CFAP263: variants seen among roughly 807,000 people sequenced by gnomAD.
The protein encoded by CFAP263 is cilia and flagella associated protein 263.
At chr16:58,256,046 A>G in the CFAP263 span, among the ~76,000 whole-genome samples, 2 of 152,190 alleles carry the variant, frequency 1.3e-5, no homozygotes, top group African/African-American at 2.4e-5. Flanking sequence ...GTTGTATGAA[A>G]AGTAGATACT....
At chr16:58,258,775 G>A in the CFAP263 span, among the ~76,000 whole-genome samples, 1 of 151,994 alleles carries the variant, frequency 6.6e-6, no homozygotes, top group East Asian at 1.9e-4. Context: ...CATCTGAGCT[G>A]GAGGACCAGC....
the CFAP263 span, among the ~76,000 whole-genome samples, chr16:58,276,025 C>T: frequency 1.3e-5 from 2 of 151,952 alleles, no homozygotes; most frequent in Non-Finnish European, 2.9e-5. Flanking sequence ...TAAGCAAAGT[C>T]AAAAGGTAAA....
At chr16:58,254,079 G>A in the CFAP263 span, 5 of 1,614,222 alleles carry the variant, frequency 3.1e-6, no homozygotes, top group East Asian at 8.9e-5. Context: ...ACTTGAGCTG[G>A]TACAAAAAGA....
the CFAP263 span, among the ~76,000 whole-genome samples, chr16:58,255,378 C>T: frequency 6.6e-6 from 1 of 152,272 alleles, no homozygotes; most frequent in Non-Finnish European, 1.5e-5. Context: ...CCCACCCACA[C>T]TGAGGGTGGA....
At chr16:58,276,430 A>G in the CFAP263 span, among the ~76,000 whole-genome samples, 1 of 152,236 alleles carries the variant, frequency 6.6e-6, no homozygotes, top group Non-Finnish European at 1.5e-5. Context: ...TTTGCACCCT[A>G]AACACATTAC....
chr16:58,278,646 C>T, the CFAP263 span: 349 of 1,613,610 alleles, frequency 2.2e-4, 1 homozygote, highest in East Asian at 6.0e-3. Flanking sequence ...AGGTGAGCCA[C>T]GGGGAGCCCC....
chr16:58,270,901 C>A, the CFAP263 span, among the ~76,000 whole-genome samples: 883 of 152,252 alleles, frequency 5.8e-3, 12 homozygotes, highest in East Asian at 0.057. Context: ...ATTTGAGTTA[C>A]TATCTGGCGT....
At chr16:58,255,641 C>T in the CFAP263 span, among the ~76,000 whole-genome samples, 4 of 151,050 alleles carry the variant, frequency 2.6e-5, no homozygotes, top group Admixed American at 1.3e-4. Context: ...GCGATCCCAG[C>T]TCCGCCTCCC....
the CFAP263 span, among the ~76,000 whole-genome samples, chr16:58,264,225 G>A: frequency 1.3e-5 from 2 of 152,176 alleles, no homozygotes; most frequent in African/African-American, 4.8e-5. Context: ...TCACTGCCTG[G>A]AGAGCAGGTT....
chr16:58,273,250 A>G, the CFAP263 span, among the ~76,000 whole-genome samples: 5 of 152,262 alleles, frequency 3.3e-5, no homozygotes, highest in African/African-American at 1.2e-4. Context: ...ATTTTCAGCC[A>G]TTATATCTGA....
chr16:58,259,027 A>G, the CFAP263 span, among the ~76,000 whole-genome samples: 190 of 148,478 alleles, frequency 1.3e-3, no homozygotes, highest in African/African-American at 4.6e-3. Flanking sequence ...ATAAATAAAT[A>G]AATGCGTGTT....
At chr16:58,267,622 G>T in the CFAP263 span, 1 of 1,301,874 alleles carries the variant, frequency 7.7e-7, no homozygotes, top group Non-Finnish European at 1.1e-6. Context: ...TCTGATGTTT[G>T]TCTCCTTGTG....
At chr16:58,275,115 T>C in the CFAP263 span, among the ~76,000 whole-genome samples, 1 of 152,238 alleles carries the variant, frequency 6.6e-6, no homozygotes, top group Non-Finnish European at 1.5e-5. Flanking sequence ...CACTGAACAC[T>C]TGACAATTTT....
At chr16:58,251,842 A>AAC in the CFAP263 span, among the ~76,000 whole-genome samples, 7 of 151,962 alleles carry the variant, frequency 4.6e-5, no homozygotes, top group African/African-American at 1.4e-4. Context: ...ATGTGTGTGT[A>AAC]ACACACACAC....
At chr16:58,276,470 G>A in the CFAP263 span, among the ~76,000 whole-genome samples, 4 of 152,192 alleles carry the variant, frequency 2.6e-5, no homozygotes, top group Non-Finnish European at 4.4e-5. Flanking sequence ...ATTCTTTCTT[G>A]TAGGGGGATG....
chr16:58,263,073 G>C, the CFAP263 span, among the ~76,000 whole-genome samples: 3 of 152,130 alleles, frequency 2.0e-5, no homozygotes, highest in Non-Finnish European at 2.9e-5. Flanking sequence ...TTTTGGGAGG[G>C]AAAAGAGGCA....
At chr16:58,280,404 C>T in the CFAP263 span, 1 of 1,614,182 alleles carries the variant, frequency 6.2e-7, no homozygotes, top group Non-Finnish European at 8.5e-7. Flanking sequence ...CATCCTTCTC[C>T]CTAACATCTA....
At chr16:58,267,766 C>T in the CFAP263 span, among the ~76,000 whole-genome samples, 1 of 151,956 alleles carries the variant, frequency 6.6e-6, no homozygotes, top group Admixed American at 6.6e-5. Context: ...ACCTACAGTC[C>T]AGGTGTGTCG....
the CFAP263 span, among the ~76,000 whole-genome samples, chr16:58,257,535 A>G: frequency 1.3e-3 from 200 of 151,870 alleles, no homozygotes; most frequent in African/African-American, 4.6e-3. Context: ...CTGGCCTCCA[A>G]CAATCCTCTT....
Sources: allele counts gnomAD v4.1 joint callset (sites outside exome capture counted in the v4.1 genomes callset), GRCh38; gene constraint gnomAD v4.1.1; transcripts MANE v1.5; gene names NCBI Gene and HGNC (gene_info 2026-07-23, HGNC 2026-07-21).